Variants in VPS13A observed in about 807,000 individuals in gnomAD.
The protein encoded by VPS13A is vacuolar protein sorting 13 homolog A, also known as intermembrane lipid transfer protein VPS13A.
VPS13A carries 264 observed loss-of-function variants against 390.9 expected under a neutral mutation model. The observed-to-expected ratio is 0.68, with a 90% CI of 0.61 to 0.75. The LOEUF (loss-of-function observed/expected upper bound fraction) is 0.75, where lower values mean the gene tolerates loss of function less well. VPS13A is among the 30% of genes least tolerant of loss of function. The pLI is 0.00. For synonymous variants in VPS13A, 1,231 were observed against 1,227.1 expected (o/e 1.00, Z -0.07); for missense variants, 3,409 against 3,733.9 (o/e 0.91, Z 2.27).
intron 5 of VPS13A, 30 bp downstream of exon 5, chr9:77,206,109 TAAGAG>T: frequency 7.0e-7 from 1 of 1,420,654 alleles, no homozygotes; most frequent in Non-Finnish European, 9.7e-7. Context: ...ACAATGCTAA[TAAGAG>T]AAGTAGAAAA....
At chr9:77,275,226 G>A (rs1315815167) in intron 24 of VPS13A, among the ~76,000 whole-genome samples, 3 of 151,752 alleles carry the variant, frequency 2.0e-5, no homozygotes, top group Non-Finnish European at 4.4e-5. Flanking sequence ...TCAAAAGATG[G>A]GCTTCTTAAG....
intron 23 of VPS13A, among the ~76,000 whole-genome samples, chr9:77,266,046 T>A (rs1564678036): frequency 6.6e-6 from 1 of 152,232 alleles, no homozygotes; most frequent in Non-Finnish European, 1.5e-5. Flanking sequence ...AATTTCATTA[T>A]TTACCCAGTA....
chr9:77,379,840 C>T (rs1037952537), intron 67 of VPS13A, among the ~76,000 whole-genome samples: 12 of 152,098 alleles, frequency 7.9e-5, no homozygotes, highest in African/African-American at 2.2e-4. Context: ...TTGGTTTGAA[C>T]GTTCTATAGA....
Position 77,314,674 on chromosome 9 carries a change from G to C in VPS13A, c.4412+10G>C, listed in dbSNP as rs1435453099. ...AGAAAGCAACTCCTCGGTATGTATT[G>C]TAATGATGTTCTAAGGTTTTACTTG... On this transcript the variant is annotated intron_variant, in intron 37 of 71. Transcript: ENST00000360280. The C allele has an allele frequency of 1.2e-6, 2 of 1,609,042 alleles. No individual in the cohort carries two copies. Among genetic ancestry groups the C allele is most frequent in the Non-Finnish European group, 1.7e-6 (2 of 1,176,140 alleles).
chr9:77,417,682 C>G lies in VPS13A; in HGVS notation c.*1676C>G, dbSNP rs1362864849. 6.6e-6 allele frequency: 1 copy of G among 152,142 alleles called. No homozygotes were observed. The highest frequency in any genetic ancestry group is 1.5e-5 in the Non-Finnish European group (1 of 68,038). The allele number at this position is 152,142 out of a possible 1,614,324, so 9.4% of individuals were successfully genotyped here. A position where few individuals can be genotyped will look rare whatever the true frequency, so the allele number is the denominator to read the frequency against. On this transcript the variant is annotated 3_prime_UTR_variant, in exon 72 of 72. Coordinates refer to ENST00000360280, the MANE Select transcript of VPS13A (RefSeq NM_033305.3). ...CATCCAAAACGAAATACTTCATTAC[C>G]CAATGTTATGATTTCACCATTCTCA...
At position 77,197,490 on chromosome 9, in the gene VPS13A, T is replaced by A. The variant is rs954111417; in HGVS notation, c.101-2455T>A. ...ATTGTTACATCTTTTTAGTGAAGTG[T>A]CGGTTTTATCATTATATAATGCCCT... On this transcript the variant is annotated intron_variant, in intron 1 of 71. Coordinates refer to ENST00000360280, the MANE Select transcript of VPS13A (RefSeq NM_033305.3). Among the ~76,000 whole-genome samples the A allele has an allele frequency of 2.6e-5, 4 of 152,220 alleles. 1 individual carries two copies. The highest frequency in any genetic ancestry group is 2.6e-4 in the Admixed American group (4 of 15,276).
intron 67 of VPS13A, among the ~76,000 whole-genome samples, chr9:77,377,153 C>T (rs1378217411): frequency 6.8e-6 from 1 of 147,652 alleles, no homozygotes; most frequent in Non-Finnish European, 1.5e-5. Flanking sequence ...TTGTAATGTA[C>T]GAGTCTTATA....
At chr9:77,247,032 T>A (rs1017733165) in intron 19 of VPS13A, among the ~76,000 whole-genome samples, 1 of 151,948 alleles carries the variant, frequency 6.6e-6, no homozygotes, top group Admixed American at 6.6e-5. Context: ...AGGTTAAAAA[T>A]TTTTTTTGGA....
chr9:77,316,455 A>G, intron 39 of VPS13A, 49 bp downstream of exon 39: 1 of 1,528,382 alleles, frequency 6.5e-7, no homozygotes, highest in Non-Finnish European at 9.1e-7. Flanking sequence ...TTTTGGATGT[A>G]GTGTATACCA....
intron 67 of VPS13A, among the ~76,000 whole-genome samples, chr9:77,375,502 A>G (rs1000606952): frequency 3.9e-5 from 6 of 152,102 alleles, no homozygotes; most frequent in Non-Finnish European, 8.8e-5. Context: ...ACATTAAGGC[A>G]ATAAAAGCAT....
chr9:77,273,239 A>G, intron 23 of VPS13A, 41 bp from the exon 24 acceptor site: 4 of 1,486,480 alleles, frequency 2.7e-6, no homozygotes, highest in African/African-American at 1.4e-5. Context: ...CGGTGAATAA[A>G]CATTTTTGTG....
intron 39 of VPS13A, 152 bp from the exon 40 acceptor site, chr9:77,317,454 G>A (rs1829465999): frequency 1.9e-6 from 1 of 527,486 alleles, no homozygotes; most frequent in Non-Finnish European, 3.4e-6. Flanking sequence ...TCCTTTATAT[G>A]GGATAATTAA....
intron 67 of VPS13A, 140 bp downstream of exon 67, chr9:77,371,289 G>T: frequency 7.9e-7 from 1 of 1,259,964 alleles, no homozygotes. Flanking sequence ...CCACAGACTG[G>T]GTAATTTATA....
chr9:77,293,626 T>C (rs1827802654), intron 32 of VPS13A, 118 bp downstream of exon 32: 6 of 529,566 alleles, frequency 1.1e-5, no homozygotes, highest in Non-Finnish European at 1.8e-5. Context: ...TTTTTAAATC[T>C]TCTGGGTACC....
chr9:77,413,461 G>T (rs1474760987), intron 71 of VPS13A, among the ~76,000 whole-genome samples: 1 of 152,108 alleles, frequency 6.6e-6, no homozygotes, highest in Non-Finnish European at 1.5e-5. Context: ...TCTGATCTTT[G>T]ACAAACCTGA....
rs1043951913 is a variant in VPS13A, at chr9:77,416,139, CAAACAAAAAAACAA to C, written c.*150_*163del. 31 of 1,111,020 alleles carry C rather than the reference CAAACAAAAAAACAA, an allele frequency of 2.8e-5. No individual in the cohort carries two copies. Among genetic ancestry groups the C allele is most frequent in the Admixed American group, 9.4e-5 (4 of 42,384 alleles). 68.8% of individuals were successfully genotyped at this position (1,111,020 alleles called of 1,614,324 possible). A position where few individuals can be genotyped will look rare whatever the true frequency, so the allele number is the denominator to read the frequency against. On this transcript the variant is annotated 3_prime_UTR_variant, in exon 72 of 72. Coordinates refer to ENST00000360280, the MANE Select transcript of VPS13A (RefSeq NM_033305.3). Reference sequence around the variant, plus strand: ...TATTCTGGATGCTAAAAAACAAAAACAAACAAAAAAACAAAAACAAAAAAACAAAACCAGAATCA... The same window carrying C: ...TATTCTGGATGCTAAAAAACAAAAACAAACAAAAAAACAAAACCAGAATCA...
chr9:77,338,282 T>C (rs1336989601), intron 47 of VPS13A: 1 of 152,232 alleles, frequency 6.6e-6, no homozygotes, highest in African/African-American at 2.4e-5. Flanking sequence ...GTTTACACTT[T>C]TCTGATACAT....
intron 23 of VPS13A, among the ~76,000 whole-genome samples, chr9:77,269,662 A>G (rs1826240469): frequency 6.6e-6 from 1 of 152,150 alleles, no homozygotes; most frequent in Non-Finnish European, 1.5e-5. Context: ...ATATCTCTCC[A>G]TTTGCTTAGG....
At chr9:77,238,724 G>T (rs1447213541) in intron 19 of VPS13A, among the ~76,000 whole-genome samples, 1 of 152,106 alleles carries the variant, frequency 6.6e-6, no homozygotes, top group Non-Finnish European at 1.5e-5. Context: ...AGGGAAAAAA[G>T]TTCTATCCTT....
Sources: gnomAD v4.1 joint callset for allele counts (sites outside exome capture counted in the v4.1 genomes callset) on GRCh38, gnomAD v4.1.1 for gene constraint, MANE v1.5 for transcripts, NCBI Gene and HGNC (gene_info 2026-07-23, HGNC 2026-07-21) for gene names.